TTC33: variants seen among roughly 807,000 people sequenced by gnomAD.
TTC33 encodes the protein tetratricopeptide repeat domain 33.
Under a neutral mutation model 29.4 loss-of-function variants are expected in TTC33, and 24 were observed. The observed-to-expected ratio is 0.82, with a 90% CI of 0.59 to 1.15. TTC33 has a LOEUF of 1.15. Ranked by LOEUF, TTC33 falls within the 50% of genes most tolerant of loss-of-function variation. TTC33 has a pLI of 0.00. For missense variants in TTC33, 286 were observed against 310.4 expected (o/e 0.92, Z 0.59); for synonymous variants, 107 against 100.3 (o/e 1.07, Z -0.40).
intron 4 of TTC33, among the ~76,000 whole-genome samples, chr5:40,727,210 T>A (rs1219217581): frequency 1.3e-5 from 2 of 152,240 alleles, no homozygotes. Flanking sequence ...ATATTTTGAA[T>A]TTATCAGTAA....
chr5:40,738,539 C>CAATAA (rs1164887852), intron 2 of TTC33, among the ~76,000 whole-genome samples: 826 of 67,382 alleles, frequency 0.012, 32 homozygotes, highest in African/African-American at 0.036. Flanking sequence ...CAATAAAATA[C>CAATAA]AATAAAATAA....
intron 3 of TTC33, 100 bp from the exon 4 acceptor site, chr5:40,728,576 G>C: frequency 2.6e-6 from 3 of 1,158,948 alleles, no homozygotes; most frequent in Non-Finnish European, 3.5e-6. Context: ...TTTTAGTCCA[G>C]TAAAAATAGC....
chr5:40,725,852 C>G (rs1742270840), intron 4 of TTC33, among the ~76,000 whole-genome samples: 1 of 146,326 alleles, frequency 6.8e-6, no homozygotes, highest in Non-Finnish European at 1.5e-5. Flanking sequence ...GTGGCGCGAT[C>G]TCAGCTCACT....
intron 2 of TTC33, among the ~76,000 whole-genome samples, chr5:40,736,007 T>C (rs1401153371): frequency 1.6e-4 from 25 of 152,162 alleles, no homozygotes; most frequent in Non-Finnish European, 1.5e-5. Flanking sequence ...TATCAGGGTA[T>C]GTTTGCATGC....
chr5:40,718,065 AAAAAAAAAAGATTGCACAT>A (rs1197479855), intron 4 of TTC33, among the ~76,000 whole-genome samples: 1 of 151,850 alleles, frequency 6.6e-6, no homozygotes, highest in East Asian at 1.9e-4. Context: ...TCCGTCTCAA[AAAAAAAAAAGATTGCACAT>A]AATCTACAGA....
chr5:40,723,513 A>T (rs764461754), intron 4 of TTC33, among the ~76,000 whole-genome samples: 9 of 14,640 alleles, frequency 6.1e-4, no homozygotes, highest in African/African-American at 1.4e-3. Flanking sequence ...AACTCAAATT[A>T]AAAAAAAAAA....
chr5:40,719,347 T>A (rs1286685153), intron 4 of TTC33, among the ~76,000 whole-genome samples: 1 of 152,254 alleles, frequency 6.6e-6, no homozygotes, highest in Non-Finnish European at 1.5e-5. Flanking sequence ...TCACTTAACA[T>A]ATTGTTTTTA....
At chr5:40,744,487 GTTTTTT>G (rs375739587) in intron 2 of TTC33, among the ~76,000 whole-genome samples, 1 of 136,414 alleles carries the variant, frequency 7.3e-6, no homozygotes, top group Non-Finnish European at 1.6e-5. Context: ...ACTCTTACCA[GTTTTTT>G]TTTTTTTTTT....
At chr5:40,735,703 A>G (rs1001306121) in intron 2 of TTC33, among the ~76,000 whole-genome samples, 1 of 152,234 alleles carries the variant, frequency 6.6e-6, no homozygotes, top group South Asian at 2.1e-4. Flanking sequence ...AAAGGAGAGG[A>G]CATGGAGACA....
chr5:40,748,907 A>G (rs1742847328), intron 1 of TTC33, among the ~76,000 whole-genome samples: 1 of 152,102 alleles, frequency 6.6e-6, no homozygotes, highest in Non-Finnish European at 1.5e-5. Flanking sequence ...GGCCAAGGCC[A>G]GTGGATCATT....
chr5:40,734,138 C>T (rs1019367234), intron 2 of TTC33, among the ~76,000 whole-genome samples: 1 of 152,200 alleles, frequency 6.6e-6, no homozygotes, highest in African/African-American at 2.4e-5. Context: ...ACTTCACTAT[C>T]ATCAACTTAT....
intron 2 of TTC33, among the ~76,000 whole-genome samples, chr5:40,745,981 C>T (rs556618730): frequency 6.6e-6 from 1 of 152,172 alleles, no homozygotes; most frequent in African/African-American, 2.4e-5. Context: ...AGATACCATT[C>T]TATATTTTCT....
chr5:40,755,641 T>A (rs1579697660), intron 1 of TTC33, among the ~76,000 whole-genome samples, 183 bp downstream of exon 1: 1 of 151,964 alleles, frequency 6.6e-6, no homozygotes, highest in South Asian at 2.1e-4. Context: ...TCCCGTCGGG[T>A]TTCAACTCCT....
rs1335765246 is a variant in TTC33 at position 40,715,483 on chromosome 5, T to A, written c.*662A>T. Reference sequence around the variant, plus strand: ...ATCATTCTCATATTTATCAATACTTTACACTTTTACCAAATACTGAAGGAG... The same window carrying A: ...ATCATTCTCATATTTATCAATACTTAACACTTTTACCAAATACTGAAGGAG... On this transcript the variant is annotated 3_prime_UTR_variant, in exon 5 of 5. Coordinates refer to ENST00000337702, the MANE Select transcript of TTC33 (RefSeq NM_012382.3). 1 of 152,328 alleles carries A rather than the reference T, an allele frequency of 6.6e-6. No individual in the cohort carries two copies. Among genetic ancestry groups the A allele is most frequent in the Non-Finnish European group, 1.5e-5 (1 of 67,992 alleles). The allele number at this position is 152,328 out of a possible 1,614,324, so 9.4% of individuals were successfully genotyped here.
chr5:40,740,631 A>C (rs1742672775), intron 2 of TTC33, among the ~76,000 whole-genome samples: 1 of 152,178 alleles, frequency 6.6e-6, no homozygotes, highest in African/African-American at 2.4e-5. Context: ...GACTCCAATG[A>C]GGGACAACTC....
At chr5:40,738,444 A>AATACAATACAATACAATAC (rs1561151050) in intron 2 of TTC33, among the ~76,000 whole-genome samples, 1 of 83,646 alleles carries the variant, frequency 1.2e-5, no homozygotes, top group Non-Finnish European at 2.3e-5. Context: ...ATATAAAATA[A>AATACAATACAATACAATAC]AATACAATAC....
intron 2 of TTC33, among the ~76,000 whole-genome samples, chr5:40,746,578 C>T (rs1426183770): frequency 1.3e-5 from 2 of 152,104 alleles, no homozygotes; most frequent in Non-Finnish European, 2.9e-5. Context: ...AATTAGCATC[C>T]TGAAAACTAT....
At position 40,711,791 on chromosome 5, in the gene TTC33, AAGTC is replaced by A. The variant is rs1358795710; in HGVS notation, c.*4350_*4353del. Among the ~76,000 whole-genome samples, 1 of 152,276 alleles carries A rather than the reference AAGTC, an allele frequency of 6.6e-6. No individual in the cohort carries two copies. Among genetic ancestry groups the A allele is most frequent in the Non-Finnish European group, 1.5e-5 (1 of 67,990 alleles). On this transcript the variant is annotated 3_prime_UTR_variant, in exon 5 of 5. Transcript: ENST00000337702. ...AAAAGCATCATGTTAAGCAAAAAAA[AAGTC>A]AGACACAAAAAGAGTGCATATTATA...
At chr5:40,734,451 G>A (rs993336339) in intron 2 of TTC33, among the ~76,000 whole-genome samples, 2 of 152,214 alleles carry the variant, frequency 1.3e-5, no homozygotes, top group African/African-American at 4.8e-5. Context: ...AATCTTAACA[G>A]TATGCAACTG....
Sources: gnomAD v4.1 joint callset for allele counts (sites outside exome capture counted in the v4.1 genomes callset) on GRCh38, gnomAD v4.1.1 for gene constraint, MANE v1.5 for transcripts, NCBI Gene and HGNC (gene_info 2026-07-23, HGNC 2026-07-21) for gene names.